The following KCTD20 variants were observed in gnomAD, a reference collection of about 807,000 sequenced individuals.
KCTD20 encodes the protein BTB/POZ domain-containing protein KCTD20.
In KCTD20, 30 loss-of-function variants were observed where a neutral mutation model predicts 39.6. That is an observed-to-expected ratio of 0.76 (90% CI 0.57 to 1.03). The LOEUF (loss-of-function observed/expected upper bound fraction) is 1.03, where lower values mean the gene tolerates loss of function less well. Ranked by LOEUF, KCTD20 falls within the 50% of genes least tolerant of loss-of-function variation. The pLI is 0.00. For synonymous variants in KCTD20, 162 were observed against 180.6 expected (o/e 0.90, Z 0.83); for missense variants, 422 against 522.0 (o/e 0.81, Z 1.87).
At chr6:36,443,318 C>T (rs1774931736) in intron 1 of KCTD20, 1 of 152,120 alleles carries the variant, frequency 6.6e-6, no homozygotes, top group Non-Finnish European at 1.5e-5. Flanking sequence ...TGTTTCCGCG[C>T]GGAGGGCAGA....
intron 1 of KCTD20, among the ~76,000 whole-genome samples, chr6:36,466,709 G>A (rs184651185): frequency 3.3e-5 from 5 of 149,648 alleles, no homozygotes; most frequent in South Asian, 2.1e-4. Flanking sequence ...TTTTTTCCCC[G>A]CCTTCAATCT....
chr6:36,459,612 A>C (rs2127436150), intron 1 of KCTD20, among the ~76,000 whole-genome samples: 1 of 152,348 alleles, frequency 6.6e-6, no homozygotes, highest in East Asian at 1.9e-4. Context: ...TGGTCCTTGA[A>C]CTAGATGACC....
chr6:36,463,227 C>A (rs1305580908), intron 1 of KCTD20, among the ~76,000 whole-genome samples: 13 of 152,228 alleles, frequency 8.5e-5, no homozygotes, highest in African/African-American at 3.1e-4. Flanking sequence ...CTGGAATGCC[C>A]TTTTTCCCTT....
chr6:36,473,555 G>A (rs1251240233), intron 2 of KCTD20, among the ~76,000 whole-genome samples: 2 of 151,866 alleles, frequency 1.3e-5, no homozygotes, highest in East Asian at 2.0e-4. Flanking sequence ...GGCGGATCAC[G>A]AGATCAGGAG....
chr6:36,450,239 A>C (rs959265432), intron 1 of KCTD20, among the ~76,000 whole-genome samples: 1 of 150,100 alleles, frequency 6.7e-6, no homozygotes, highest in Non-Finnish European at 1.5e-5. Context: ...TGTAATCCCA[A>C]CACTTTGGGA....
intron 2 of KCTD20, among the ~76,000 whole-genome samples, chr6:36,473,527 C>T (rs992024072): frequency 2.0e-5 from 3 of 151,890 alleles, no homozygotes; most frequent in Admixed American, 6.6e-5. Context: ...AATCCCAGCA[C>T]TCTGGGAGGC....
At chr6:36,483,218 A>G (rs914672966) in intron 6 of KCTD20, among the ~76,000 whole-genome samples, 4 of 148,590 alleles carry the variant, frequency 2.7e-5, no homozygotes, top group Non-Finnish European at 5.9e-5. Context: ...AAAACAATAC[A>G]TGACAGGTTT....
At chr6:36,455,884 T>C (rs1366774037) in intron 1 of KCTD20, among the ~76,000 whole-genome samples, 3 of 152,174 alleles carry the variant, frequency 2.0e-5, no homozygotes, top group Non-Finnish European at 2.9e-5. Flanking sequence ...TAAGTAACTA[T>C]AGACTGTAAT....
intron 1 of KCTD20, among the ~76,000 whole-genome samples, chr6:36,467,668 G>A (rs1188229359): frequency 6.6e-6 from 1 of 152,010 alleles, no homozygotes; most frequent in African/African-American, 2.4e-5. Context: ...AAATTCTGAA[G>A]CCAAATCCAT....
intron 3 of KCTD20, among the ~76,000 whole-genome samples, chr6:36,478,101 A>AAAAAAAAG (rs112536319): frequency 2.7e-4 from 40 of 145,756 alleles, no homozygotes; most frequent in Admixed American, 8.3e-4. Context: ...TCTCAAAAAA[A>AAAAAAAAG]AAAAGAAAAG....
intron 1 of KCTD20, among the ~76,000 whole-genome samples, chr6:36,446,075 G>C (rs1775038852): frequency 7.9e-6 from 1 of 126,746 alleles, no homozygotes; most frequent in Non-Finnish European, 1.6e-5. Flanking sequence ...TGCCCAGGCT[G>C]GAGTGCAATG....
chr6:36,473,124 G>A (rs1001744160), intron 2 of KCTD20, among the ~76,000 whole-genome samples: 1 of 151,208 alleles, frequency 6.6e-6, no homozygotes, highest in African/African-American at 2.4e-5. Flanking sequence ...GCAGTGGCGC[G>A]ATCTCGGCTC....
rs1775858782 is a variant in KCTD20 at position 36,469,773 on chromosome 6, A to G, written c.-46-279A>G. ...TTATTGTACCACCATTTAATGTAGA[A>G]TTGATCAAGAATGTGACCAAAGTCA... On this transcript the variant is annotated intron_variant, in intron 1 of 7. Coordinates refer to ENST00000373731, the MANE Select transcript of KCTD20 (RefSeq NM_173562.5). The surrounding 1 kb of genome is among the most constrained non-coding windows in gnomAD (Gnocchi z 4.6). Among the ~76,000 whole-genome samples, 1 of 152,240 alleles carries G rather than the reference A, an allele frequency of 6.6e-6. No homozygotes were observed. Among genetic ancestry groups the G allele is most frequent in the Non-Finnish European group, 1.5e-5 (1 of 68,050 alleles).
At chr6:36,482,721 T>A (rs1776291224) in intron 6 of KCTD20, among the ~76,000 whole-genome samples, 1 of 151,830 alleles carries the variant, frequency 6.6e-6, no homozygotes, top group Non-Finnish European at 1.5e-5. Context: ...CAAGGTGGGC[T>A]GATTGCTTGA....
chr6:36,448,356 C>A (rs1213489077), intron 1 of KCTD20, among the ~76,000 whole-genome samples: 1 of 152,124 alleles, frequency 6.6e-6, no homozygotes, highest in African/African-American at 2.4e-5. Flanking sequence ...ATTATTGTTG[C>A]ATAGATTATT....
Position 36,470,166 on chromosome 6 carries a change from T to C in KCTD20, c.69T>C (p.Asp23=). ...AGGAGGCCAGCTGCTTAGTGGATGATACTTTAGCTGTAGCCCAAGAAAAAG... is the reference window on the plus strand; with the variant it reads ...AGGAGGCCAGCTGCTTAGTGGATGACACTTTAGCTGTAGCCCAAGAAAAAG... The part of the protein sequence containing the change: ...LRQEASCLVD[D]TLAVAQEKEA... The change falls in exon 2 of 8, where the codon GAT becomes GAC. Residue 23 remains aspartate, a synonymous_variant. Transcript: ENST00000373731. The C allele has an allele frequency of 1.9e-6, 3 of 1,614,134 alleles. No individual in the cohort carries two copies. The highest frequency in any genetic ancestry group is 2.5e-6 in the Non-Finnish European group (3 of 1,179,990).
intron 1 of KCTD20, among the ~76,000 whole-genome samples, chr6:36,448,430 A>AT (rs1775124864): frequency 6.6e-6 from 1 of 152,240 alleles, no homozygotes; most frequent in African/African-American, 2.4e-5. Context: ...AGATCACAGT[A>AT]CATATCTTAA....
intron 3 of KCTD20, among the ~76,000 whole-genome samples, chr6:36,477,727 C>T (rs1191754824): frequency 1.3e-5 from 2 of 149,986 alleles, no homozygotes; most frequent in African/African-American, 2.4e-5. Flanking sequence ...CCTCATGATC[C>T]GCCCATCTCG....
chr6:36,452,638 A>G (rs1775293933), intron 1 of KCTD20: 1 of 151,004 alleles, frequency 6.6e-6, no homozygotes, highest in Admixed American at 6.6e-5. Flanking sequence ...CGCTTCCCGA[A>G]GCGATTCTAC....
Sources: gnomAD v4.1 joint callset for allele counts (sites outside exome capture counted in the v4.1 genomes callset) on GRCh38, gnomAD v4.1.1 for gene constraint, Gnocchi (gnomAD v3.1) non-coding constraint, MANE v1.5 for transcripts, NCBI Gene and HGNC (gene_info 2026-07-23, HGNC 2026-07-21) for gene names.